Variants in SORCS2 observed in about 807,000 individuals in gnomAD.
The protein encoded by SORCS2 is sortilin related VPS10 domain containing receptor 2.
SORCS2 carries 100 observed loss-of-function variants against 141.6 expected under a neutral mutation model. The observed-to-expected ratio is 0.71, with a 90% CI of 0.60 to 0.83. The LOEUF is 0.83. Ranked by LOEUF, SORCS2 falls within the 40% of genes least tolerant of loss-of-function variation. The pLI is 0.00. For missense variants in SORCS2, 1,646 were observed against 1,560.2 expected, an observed-to-expected ratio of 1.05 and a Z score of -0.93; for synonymous variants, 789 against 676.9, an observed-to-expected ratio of 1.17 and a Z score of -2.57.
chr4:7,498,021 T>A (rs1731736830), intron 2 of SORCS2, among the ~76,000 whole-genome samples: 1 of 152,244 alleles, frequency 6.6e-6, no homozygotes, highest in South Asian at 2.1e-4. Context: ...GGCTTGGAGA[T>A]TCATCTCCTC....
chr4:7,309,736 C>T (rs1029411206), intron 1 of SORCS2, among the ~76,000 whole-genome samples: 5 of 152,104 alleles, frequency 3.3e-5, no homozygotes, highest in African/African-American at 7.2e-5. Flanking sequence ...CAAGCGTGGG[C>T]GGGGACGAGA....
intron 1 of SORCS2, among the ~76,000 whole-genome samples, chr4:7,244,629 G>A (rs1712954835): frequency 6.6e-6 from 1 of 152,156 alleles, no homozygotes; most frequent in Non-Finnish European, 1.5e-5. Context: ...AGGGCCCCCT[G>A]GAATCCCCCT....
intron 1 of SORCS2, among the ~76,000 whole-genome samples, chr4:7,285,558 T>A (rs894551880): frequency 6.6e-6 from 1 of 152,334 alleles, no homozygotes; most frequent in Admixed American, 6.5e-5. Flanking sequence ...CTGGAAGACA[T>A]GGCCTCTGCC....
intron 1 of SORCS2, among the ~76,000 whole-genome samples, chr4:7,381,286 A>G (rs1304730758): frequency 6.6e-6 from 1 of 152,202 alleles, no homozygotes; most frequent in Non-Finnish European, 1.5e-5. Context: ...GGTCCAGCTG[A>G]GAGAGCATTC....
intron 4 of SORCS2, among the ~76,000 whole-genome samples, chr4:7,642,680 C>G (rs532922435): frequency 1.3e-5 from 2 of 152,276 alleles, no homozygotes; most frequent in South Asian, 4.1e-4. Context: ...AGCTCCAAGC[C>G]TCAATGGCTT....
At chr4:7,426,897 G>C (rs949512354) in intron 2 of SORCS2, among the ~76,000 whole-genome samples, 1 of 152,190 alleles carries the variant, frequency 6.6e-6, no homozygotes, top group African/African-American at 2.4e-5. Flanking sequence ...CAGTTGTGCT[G>C]AGCGGGGCCT....
intron 2 of SORCS2, among the ~76,000 whole-genome samples, chr4:7,513,839 C>T (rs959932933): frequency 1.3e-5 from 2 of 152,192 alleles, no homozygotes; most frequent in African/African-American, 4.8e-5. Flanking sequence ...TGGAGAAATA[C>T]GTTCTGCCAA....
intron 12 of SORCS2, among the ~76,000 whole-genome samples, chr4:7,698,961 TG>T (rs1256774614): frequency 2.6e-5 from 4 of 152,058 alleles, no homozygotes; most frequent in African/African-American, 7.2e-5. Context: ...ACGGTCTCCG[TG>T]GCTTCCTATC....
chr4:7,554,362 C>A (rs1191832475), intron 3 of SORCS2, among the ~76,000 whole-genome samples: 1 of 152,094 alleles, frequency 6.6e-6, no homozygotes, highest in East Asian at 1.9e-4. Context: ...GGAGTATAGA[C>A]CACATAAGTG....
At position 7,740,253 on chromosome 4, in the gene SORCS2, C is replaced by T; in HGVS notation, c.3469C>T (p.Leu1157=). Residue 1157 remains leucine (L), a synonymous_variant, in exon 27 of 27, where the codon CTG becomes TTG. Transcript: ENST00000507866. ...SINSREMHSY[L]VS ...CAACTCCCGAGAGATGCACAGCTAC[C>T]TGGTGAGCTGATGCCACCCCAGCAT... 6.2e-7 allele frequency: 1 copy of T among 1,609,722 alleles called. No homozygotes were observed. Among genetic ancestry groups the T allele is most frequent in the Non-Finnish European group, 8.5e-7 (1 of 1,179,426 alleles).
In SORCS2 at chr4:7,481,992, C is replaced by T. The variant is rs866070161; in HGVS notation, c.549-49538C>T. Among the ~76,000 whole-genome samples the T allele has an allele frequency of 3.0e-3, 285 of 95,158 alleles. 1 individual carries two copies. Among genetic ancestry groups the T allele is most frequent in the African/African-American group, 0.01 (267 of 25,946 alleles). 62.4% of individuals were successfully genotyped at this position (95,158 alleles called of 152,430 possible). Reference sequence around the variant, plus strand: ...GCTGTTCAGACCTGTATCCCCACTGCGGACACCCCTGGCTGCTGTTCAGAC... The same window carrying T: ...GCTGTTCAGACCTGTATCCCCACTGTGGACACCCCTGGCTGCTGTTCAGAC... On this transcript the variant is annotated intron_variant, in intron 2 of 26. Transcript: ENST00000507866.
In SORCS2 at chr4:7,322,270, G is replaced by T. The variant is rs538676634; in HGVS notation, c.481-74018G>T. On this transcript the variant is annotated intron_variant, in intron 1 of 26. Coordinates refer to ENST00000507866, the MANE Select transcript of SORCS2 (RefSeq NM_020777.3). ...AGGCCTGAGAGTGGGAGCAGAGGGG[G>T]CGGTGAGGATGAAGGAGGAGCCTCG... Among the ~76,000 whole-genome samples the T allele has an allele frequency of 4.6e-5, 7 of 152,244 alleles. No individual in the cohort carries two copies. The South Asian group carries it at 1.5e-3, about 32-fold the overall frequency.
intron 1 of SORCS2, among the ~76,000 whole-genome samples, chr4:7,293,401 G>T (rs544387539): frequency 6.6e-6 from 1 of 151,916 alleles, no homozygotes; most frequent in East Asian, 1.9e-4. Flanking sequence ...ACAATCTCAC[G>T]ACCTCCTGCG....
intron 3 of SORCS2, among the ~76,000 whole-genome samples, chr4:7,574,271 A>T (rs1715600473): frequency 6.6e-6 from 1 of 152,140 alleles, no homozygotes. Flanking sequence ...CCCTTCTCCC[A>T]CGGGATCACC....
chr4:7,733,602 T>C lies in SORCS2; in HGVS notation c.3208+181T>C, dbSNP rs542508156. Among the ~76,000 whole-genome samples the C allele has an allele frequency of 2.0e-5, 3 of 152,224 alleles. No homozygotes were observed. The South Asian group carries it at 6.2e-4, about 32-fold the overall frequency. On this transcript the variant is annotated intron_variant, in intron 24 of 26. Transcript: ENST00000507866. ...CAGGACCGCGCTCTCCCTCTGCGGA[T>C]GCCCCATGGAGCACTGCTCTTACCT...
At chr4:7,484,342 T>A (rs1252905488) in intron 2 of SORCS2, among the ~76,000 whole-genome samples, 1 of 152,240 alleles carries the variant, frequency 6.6e-6, no homozygotes, top group East Asian at 1.9e-4. Context: ...CATTTCTTCA[T>A]TTGGAGAACC....
At chr4:7,276,555 C>G (rs563314060) in intron 1 of SORCS2, among the ~76,000 whole-genome samples, 39 of 152,132 alleles carry the variant, frequency 2.6e-4, no homozygotes, top group Admixed American at 3.9e-4. Context: ...TTATTGCTGC[C>G]GCTTCCTGCC....
intron 1 of SORCS2, among the ~76,000 whole-genome samples, chr4:7,332,233 A>G (rs1276110499): frequency 1.3e-5 from 2 of 152,174 alleles, no homozygotes; most frequent in African/African-American, 4.8e-5. Context: ...GGCCAAGGTG[A>G]CCGAGAAGTG....
chr4:7,520,712 C>G (rs1466888968), intron 2 of SORCS2, among the ~76,000 whole-genome samples: 2 of 152,224 alleles, frequency 1.3e-5, no homozygotes, highest in Non-Finnish European at 2.9e-5. Context: ...AATCAGTTGC[C>G]TCTGTTGCCG....
Sources: gnomAD v4.1 joint callset for allele counts (sites outside exome capture counted in the v4.1 genomes callset) on GRCh38, gnomAD v4.1.1 for gene constraint, MANE v1.5 for transcripts, NCBI Gene and HGNC (gene_info 2026-07-23, HGNC 2026-07-21) for gene names.